Variants in LMO7 observed in about 807,000 individuals in gnomAD.
LMO7 encodes LIM domain only protein 7.
LMO7 carries 120 observed loss-of-function variants against 206.5 expected under a neutral mutation model. The ratio of observed to expected loss-of-function variants is 0.58; its 90% CI spans 0.50 to 0.68. The LOEUF is 0.68. Among genes scored for constraint, LMO7 ranks in the 30% least tolerant of loss-of-function variants. LMO7 has a pLI of 0.00. For synonymous variants in LMO7, 706 were observed against 681.5 expected (o/e 1.04, Z -0.56); for missense variants, 1,959 against 1,957.9 (o/e 1.00, Z -0.01).
chr13:75,734,838 G>A (rs1400208465), intron 3 of LMO7, among the ~76,000 whole-genome samples: 6 of 152,120 alleles, frequency 3.9e-5, no homozygotes, highest in East Asian at 1.9e-4. Flanking sequence ...GGTGGCTCAC[G>A]CCTTTAATCC....
chr13:75,752,825 G>C (rs77754943), intron 3 of LMO7, among the ~76,000 whole-genome samples: 6,592 of 152,202 alleles, frequency 0.043, 250 homozygotes, highest in South Asian at 0.19. Flanking sequence ...TATTTATCCA[G>C]TCCTTCATTG....
chr13:75,717,892 C>T (rs913044819), intron 2 of LMO7, among the ~76,000 whole-genome samples: 4 of 152,306 alleles, frequency 2.6e-5, no homozygotes, highest in East Asian at 3.9e-4. Flanking sequence ...ATACAGTGCT[C>T]CAGCATGCCA....
intron 1 of LMO7, among the ~76,000 whole-genome samples, chr13:75,685,765 C>T (rs886483382): frequency 9.9e-5 from 15 of 151,726 alleles, no homozygotes; most frequent in East Asian, 3.9e-4. Flanking sequence ...GATATATCCA[C>T]GGGCCATAAT....
chr13:75,788,452 CAAAAAAA>C lies in LMO7; in HGVS notation c.318-6934_318-6928del, dbSNP rs10638523. The stretch of plus-strand genomic sequence containing the variant: ...GGGCAAAAAGAGCAAAACTCTGCCT[CAAAAAAA>C]AAAAAAAAAAAAAAGCCACTGCTCT... On this transcript the variant is annotated intron_variant, in intron 4 of 30. Transcript: ENST00000377534. 1.8e-4 allele frequency among the ~76,000 whole-genome samples: 11 copies of C among 59,966 alleles called. No homozygotes were observed. The South Asian group carries it at 3.5e-3, about 19-fold the overall frequency. 39.3% of individuals were successfully genotyped at this position (59,966 alleles called of 152,430 possible).
chr13:75,633,382 A>C (rs1026422757), upstream of LMO7, among the ~76,000 whole-genome samples: 7 of 152,170 alleles, frequency 4.6e-5, no homozygotes, highest in Admixed American at 4.6e-4. Context: ...TGCCAATAAA[A>C]AGTAGTTGAA....
rs1368057862 is a variant in LMO7 at position 75,838,135 on chromosome 13, A to G, written c.3395-5A>G. The G allele has an allele frequency of 6.4e-7, 1 of 1,555,826 alleles. No homozygotes were observed. Among genetic ancestry groups the G allele is most frequent in the Non-Finnish European group, 8.9e-7 (1 of 1,128,024 alleles). On this transcript the variant is annotated splice_region_variant and splice_polypyrimidine_tract_variant and intron_variant, in intron 19 of 30. Coordinates refer to ENST00000377534, the MANE Select transcript of LMO7 (RefSeq NM_001306080.2). ...TGACATAGTGTTTATTTTTTTTTCA[A>G]CTAGCATCTGAATCCATTTCTTTGA...
chr13:75,855,210 C>A, intron 28 of LMO7, 50 bp from the exon 29 acceptor site: 2 of 1,115,436 alleles, frequency 1.8e-6, no homozygotes, highest in African/African-American at 1.6e-5. Context: ...AAAGAAGAAT[C>A]TTGAGCTGCC....
intron 4 of LMO7, among the ~76,000 whole-genome samples, chr13:75,779,682 A>C (rs2051025022): frequency 1.3e-5 from 2 of 152,236 alleles, no homozygotes; most frequent in Admixed American, 1.3e-4. Flanking sequence ...TATATATCAA[A>C]TCAAGGATAG....
At chr13:75,639,048 G>C (rs139254326) in intron 1 of LMO7, among the ~76,000 whole-genome samples, 1 of 151,648 alleles carries the variant, frequency 6.6e-6, no homozygotes, top group Non-Finnish European at 1.5e-5. Flanking sequence ...ATATATATTC[G>C]CAACTGCAGC....
intron 1 of LMO7, among the ~76,000 whole-genome samples, chr13:75,652,879 A>C (rs1171286944): frequency 1.3e-5 from 2 of 152,124 alleles, no homozygotes; most frequent in Non-Finnish European, 2.9e-5. Context: ...GGGATAGGGA[A>C]TGTAGGACAA....
intron 7 of LMO7, among the ~76,000 whole-genome samples, chr13:75,802,979 T>C (rs186870133): frequency 2.6e-5 from 4 of 152,204 alleles, no homozygotes; most frequent in Non-Finnish European, 5.9e-5. Context: ...AAAAATACTT[T>C]TTCTTAAAAG....
chr13:75,818,052 A>G (rs1401971713), intron 12 of LMO7, among the ~76,000 whole-genome samples: 1 of 152,204 alleles, frequency 6.6e-6, no homozygotes. Flanking sequence ...AAAGGAATTA[A>G]TAGTCTCTGA....
exon 1 of LMO7, chr13:75,621,500 C>T: frequency 3.0e-6 from 1 of 331,136 alleles, no homozygotes; most frequent in Admixed American, 4.7e-5. Flanking sequence ...TTTTTGATAA[C>T]TATGTTTATA....
chr13:75,785,320 C>T (rs1317761339), intron 4 of LMO7, among the ~76,000 whole-genome samples: 1 of 151,974 alleles, frequency 6.6e-6, no homozygotes, highest in Non-Finnish European at 1.5e-5. Flanking sequence ...CACATCAAAC[C>T]TTAATAGTTT....
At chr13:75,649,180 C>T (rs1201923820) in intron 1 of LMO7, among the ~76,000 whole-genome samples, 1 of 152,144 alleles carries the variant, frequency 6.6e-6, no homozygotes, top group Non-Finnish European at 1.5e-5. Flanking sequence ...AGACCAAATA[C>T]TGGATATCGA....
At chr13:75,832,939 A>T (rs904445629) in intron 15 of LMO7, 112 bp from the exon 16 acceptor site, 1 of 600,974 alleles carries the variant, frequency 1.7e-6, no homozygotes, top group Admixed American at 2.8e-5. Context: ...CTAGTTTATC[A>T]TGAAATGATT....
At chr13:75,706,968 A>T (rs1005683581) in intron 1 of LMO7, among the ~76,000 whole-genome samples, 7 of 152,006 alleles carry the variant, frequency 4.6e-5, no homozygotes, top group Non-Finnish European at 5.9e-5. Flanking sequence ...GATAATAATA[A>T]GGATTATTAA....
At chr13:75,771,922 G>A (rs914983434) in intron 4 of LMO7, among the ~76,000 whole-genome samples, 1 of 97,752 alleles carries the variant, frequency 1.0e-5, no homozygotes, top group African/African-American at 3.8e-5. Context: ...TGCTATCAGT[G>A]TAGCTATTGG....
At chr13:75,737,842 CAAAAAAAAAA>C (rs768622923) in intron 3 of LMO7, among the ~76,000 whole-genome samples, 11 of 37,728 alleles carry the variant, frequency 2.9e-4, no homozygotes, top group African/African-American at 1.3e-3. Flanking sequence ...AGGAAGCTGC[CAAAAAAAAAA>C]AAAAAAAAAA....
Sources: gnomAD v4.1 joint callset for allele counts (sites outside exome capture counted in the v4.1 genomes callset) on GRCh38, gnomAD v4.1.1 for gene constraint, MANE v1.5 for transcripts, NCBI Gene and HGNC (gene_info 2026-07-23, HGNC 2026-07-21) for gene names.